The following LHFPL3 variants were observed in gnomAD, a reference collection of about 807,000 sequenced individuals.
LHFPL3 encodes the protein LHFPL tetraspan subfamily member 3.
In LHFPL3, 5 loss-of-function variants were observed where a neutral mutation model predicts 19.3. The observed-to-expected ratio is 0.26, with a 90% CI of 0.14 to 0.54. The LOEUF is 0.54. Among genes scored for constraint, LHFPL3 ranks in the 20% least tolerant of loss-of-function variants. The pLI is 0.94. For synonymous variants in LHFPL3, 133 were observed against 126.2 expected, an observed-to-expected ratio of 1.05 and a Z score of -0.36; for missense variants, 249 against 307.4, an observed-to-expected ratio of 0.81 and a Z score of 1.42.
chr7:104,444,501 G>A (rs760378834), intron 1 of LHFPL3, among the ~76,000 whole-genome samples: 3 of 152,156 alleles, frequency 2.0e-5, no homozygotes, highest in Non-Finnish European at 4.4e-5. Context: ...CATTGAAAGA[G>A]CTCTGCATCT....
chr7:104,769,611 C>A (rs376863812), intron 2 of LHFPL3, among the ~76,000 whole-genome samples: 30 of 149,412 alleles, frequency 2.0e-4, no homozygotes, highest in African/African-American at 6.2e-4. Flanking sequence ...CTCTTTTAGC[C>A]CCCCCAACCC....
intron 1 of LHFPL3, among the ~76,000 whole-genome samples, chr7:104,344,659 A>G (rs1415001456): frequency 6.6e-6 from 1 of 152,206 alleles, no homozygotes; most frequent in Non-Finnish European, 1.5e-5. Context: ...TTCTTTAGCC[A>G]CACATTAATT....
At chr7:104,477,509 A>G (rs1455260954) in intron 1 of LHFPL3, among the ~76,000 whole-genome samples, 1 of 152,182 alleles carries the variant, frequency 6.6e-6, no homozygotes, top group Non-Finnish European at 1.5e-5. Flanking sequence ...GATTAAAGCA[A>G]TAATGTGTTT....
At chr7:104,698,247 A>G (rs1185829523) in intron 1 of LHFPL3, among the ~76,000 whole-genome samples, 1 of 152,242 alleles carries the variant, frequency 6.6e-6, no homozygotes, top group Non-Finnish European at 1.5e-5. Flanking sequence ...ACAACAAAAC[A>G]ATAGCTTTTA....
At chr7:104,420,554 A>T (rs1327612873) in intron 1 of LHFPL3, among the ~76,000 whole-genome samples, 5 of 112,712 alleles carry the variant, frequency 4.4e-5, no homozygotes, top group Admixed American at 1.1e-4. Flanking sequence ...CAAAGGGTGA[A>T]TTTTTTTTTT....
chr7:104,491,548 G>A (rs1793352894), intron 1 of LHFPL3, among the ~76,000 whole-genome samples: 1 of 152,032 alleles, frequency 6.6e-6, no homozygotes, highest in Non-Finnish European at 1.5e-5. Context: ...CTCAGGGTGA[G>A]CAGGAAAATA....
At chr7:104,481,372 G>A (rs561798008) in intron 1 of LHFPL3, among the ~76,000 whole-genome samples, 2 of 152,230 alleles carry the variant, frequency 1.3e-5, no homozygotes, top group African/African-American at 4.8e-5. Context: ...TTGAGATAAA[G>A]CATTCATGTG....
At chr7:104,495,014 C>G (rs1174168842) in intron 1 of LHFPL3, among the ~76,000 whole-genome samples, 1 of 152,202 alleles carries the variant, frequency 6.6e-6, no homozygotes, top group African/African-American at 2.4e-5. Context: ...TCCCCTTCCT[C>G]TTTCAAAATC....
At chr7:104,379,634 C>A (rs961936723) in intron 1 of LHFPL3, among the ~76,000 whole-genome samples, 2 of 152,088 alleles carry the variant, frequency 1.3e-5, no homozygotes, top group Non-Finnish European at 2.9e-5. Context: ...GGCTGATGGA[C>A]TTTTTTGTAG....
At chr7:104,578,768 G>A (rs1249276630) in intron 1 of LHFPL3, among the ~76,000 whole-genome samples, 1 of 152,028 alleles carries the variant, frequency 6.6e-6, no homozygotes, top group East Asian at 1.9e-4. Context: ...TCAAGGCATG[G>A]CCCTGAAAAT....
At chr7:104,478,640 A>T (rs528573688) in intron 1 of LHFPL3, among the ~76,000 whole-genome samples, 1 of 152,246 alleles carries the variant, frequency 6.6e-6, no homozygotes, top group South Asian at 2.1e-4. Context: ...TCTTTGAATG[A>T]TACAGTGTGT....
At chr7:104,691,612 C>T (rs1792907262) in intron 1 of LHFPL3, among the ~76,000 whole-genome samples, 1 of 152,188 alleles carries the variant, frequency 6.6e-6, no homozygotes, top group Admixed American at 6.5e-5. Context: ...GGGCTGTAGC[C>T]AGTGGTTTGT....
intron 1 of LHFPL3, among the ~76,000 whole-genome samples, chr7:104,417,925 C>T (rs1186570083): frequency 2.1e-5 from 3 of 144,066 alleles, no homozygotes; most frequent in African/African-American, 8.0e-5. Context: ...CTCTGTCACC[C>T]AGTCTGGAGT....
In LHFPL3 at chr7:104,906,587, CA is replaced by C. The variant is rs1341838965; in HGVS notation, c.*375del. 9.9e-6 allele frequency: 2 copies of C among 201,826 alleles called. No homozygotes were observed. The highest frequency in any genetic ancestry group is 2.0e-5 in the Non-Finnish European group (2 of 100,944). The allele number at this position is 201,826 out of a possible 1,614,324, so 12.5% of individuals were successfully genotyped here. Reference sequence around the variant, plus strand: ...GGTTTGTAAACTGTCCTTTTTAAATCAAACTGAAAACAAAAAGCTTTAACCT... The same window carrying C: ...GGTTTGTAAACTGTCCTTTTTAAATCAACTGAAAACAAAAAGCTTTAACCT... On this transcript the variant is annotated 3_prime_UTR_variant, in exon 3 of 3. Coordinates refer to ENST00000424859, the MANE Select transcript of LHFPL3 (RefSeq NM_199000.3).
intron 1 of LHFPL3, among the ~76,000 whole-genome samples, chr7:104,567,604 C>T (rs1790148329): frequency 6.6e-6 from 1 of 152,114 alleles, no homozygotes; most frequent in African/African-American, 2.4e-5. Context: ...TGGTGACATT[C>T]CAGAATCACT....
intron 1 of LHFPL3, among the ~76,000 whole-genome samples, chr7:104,511,007 GTTTATC>G (rs1793802944): frequency 6.6e-6 from 1 of 151,866 alleles, no homozygotes; most frequent in Non-Finnish European, 1.5e-5. Context: ...CATGACACAA[GTTTATC>G]TTTATAACAA....
At chr7:104,895,207 A>G (rs1792330923) in intron 2 of LHFPL3, 1 of 152,208 alleles carries the variant, frequency 6.6e-6, no homozygotes, top group African/African-American at 2.4e-5. Context: ...TTGCCAATTT[A>G]TGAAATGGTT....
At chr7:104,363,606 C>T (rs886722281) in intron 1 of LHFPL3, among the ~76,000 whole-genome samples, 5 of 152,160 alleles carry the variant, frequency 3.3e-5, no homozygotes, top group Admixed American at 1.3e-4. Context: ...TCTGTGGCAT[C>T]CACTCTCAGT....
At chr7:104,360,386 C>T (rs1182481956) in intron 1 of LHFPL3, among the ~76,000 whole-genome samples, 1 of 152,172 alleles carries the variant, frequency 6.6e-6, no homozygotes. Flanking sequence ...TGGCACAGAA[C>T]TTGCCATAAA....
Sources: gnomAD v4.1 joint callset for allele counts (sites outside exome capture counted in the v4.1 genomes callset) on GRCh38, gnomAD v4.1.1 for gene constraint, MANE v1.5 for transcripts, NCBI Gene and HGNC (gene_info 2026-07-23, HGNC 2026-07-21) for gene names.